Variants in DCC observed in about 807,000 individuals in gnomAD.
The protein encoded by DCC is DCC netrin 1 receptor.
Under a neutral mutation model 172.5 loss-of-function variants are expected in DCC, and 58 were observed. The observed-to-expected ratio is 0.34, with a 90% CI of 0.27 to 0.42. The LOEUF (loss-of-function observed/expected upper bound fraction) is 0.42, where lower values mean the gene tolerates loss of function less well. DCC is among the 10% of genes least tolerant of loss of function. The probability of loss-of-function intolerance (pLI) is 1.00; values close to 1 mark genes in which losing one functional copy is unlikely to be tolerated. For missense variants in DCC, 1,740 were observed against 1,791.0 expected (o/e 0.97, Z 0.51); for synonymous variants, 709 against 644.5 (o/e 1.10, Z -1.52).
intron 1 of DCC, among the ~76,000 whole-genome samples, chr18:52,645,543 T>G (rs1162314226): frequency 1.3e-5 from 2 of 152,180 alleles, no homozygotes; most frequent in African/African-American, 4.8e-5. Context: ...TAGAAAGTCT[T>G]GGAGTAAAAG....
At chr18:52,439,554 G>A (rs562308158) in intron 1 of DCC, among the ~76,000 whole-genome samples, 1 of 152,058 alleles carries the variant, frequency 6.6e-6, no homozygotes, top group African/African-American at 2.4e-5. Flanking sequence ...AAGTATGAAA[G>A]GATTGAGGTT....
intron 2 of DCC, among the ~76,000 whole-genome samples, chr18:52,823,634 CAA>C (rs1296497648): frequency 1.3e-5 from 2 of 151,850 alleles, no homozygotes; most frequent in Non-Finnish European, 2.9e-5. Context: ...TGGACAAGGA[CAA>C]AATAAAAATG....
chr18:53,150,449 T>C (rs539167250), intron 7 of DCC, among the ~76,000 whole-genome samples: 1 of 152,316 alleles, frequency 6.6e-6, no homozygotes, highest in South Asian at 2.1e-4. Context: ...ACTGTGATAA[T>C]GATGGAGGAT....
chr18:53,497,660 A>C (rs2046041011), intron 26 of DCC, among the ~76,000 whole-genome samples: 1 of 152,216 alleles, frequency 6.6e-6, no homozygotes, highest in Non-Finnish European at 1.5e-5. Context: ...ACAAGCACAC[A>C]AGTGTTTCTC....
chr18:52,772,269 A>G (rs568190422), intron 2 of DCC, among the ~76,000 whole-genome samples: 7 of 152,236 alleles, frequency 4.6e-5, no homozygotes, highest in Non-Finnish European at 1.5e-5. Flanking sequence ...CCATTGTACC[A>G]TGACTAAAAA....
intron 12 of DCC, among the ~76,000 whole-genome samples, chr18:53,229,899 T>C (rs1422387682): frequency 6.6e-6 from 1 of 152,156 alleles, no homozygotes; most frequent in African/African-American, 2.4e-5. Context: ...CTTACAAATT[T>C]GGTTATGAGA....
chr18:52,363,359 T>C (rs1984704843), intron 1 of DCC, among the ~76,000 whole-genome samples: 1 of 152,220 alleles, frequency 6.6e-6, no homozygotes, highest in Non-Finnish European at 1.5e-5. Context: ...GAAGTGCCAA[T>C]CAGGTTCATG....
rs143867031 is a variant in DCC, at chr18:53,205,195, C to T, written c.1574-21C>T. 1.8e-3 allele frequency: 2,924 copies of T among 1,604,536 alleles called. 4 individuals are homozygous for T. The highest frequency in any genetic ancestry group is 2.1e-3 in the Non-Finnish European group (2,459 of 1,171,678). On this transcript the variant is annotated intron_variant, in intron 9 of 28. Transcript: ENST00000442544. Reference sequence around the variant, plus strand: ...TTATCCTAATCACTTTTCTTTCTTTCTTTATTATTTTTTTATACAGTGCAA... The same window carrying T: ...TTATCCTAATCACTTTTCTTTCTTTTTTTATTATTTTTTTATACAGTGCAA...
chr18:52,649,184 TAACACGGTAA>T (rs920556767), intron 1 of DCC, among the ~76,000 whole-genome samples: 3 of 152,082 alleles, frequency 2.0e-5, no homozygotes, highest in Non-Finnish European at 4.4e-5. Flanking sequence ...CCATACTGGC[TAACACGGTAA>T]AACCCCGTCT....
At chr18:53,026,461 T>C (rs1226811330) in intron 5 of DCC, among the ~76,000 whole-genome samples, 3 of 152,200 alleles carry the variant, frequency 2.0e-5, no homozygotes, top group East Asian at 1.9e-4. Flanking sequence ...CTTTCCTTCA[T>C]TGAATTTTCT....
At chr18:53,313,109 A>G (rs1439797264) in intron 13 of DCC, among the ~76,000 whole-genome samples, 1 of 151,890 alleles carries the variant, frequency 6.6e-6, no homozygotes, top group African/African-American at 2.4e-5. Context: ...GGAAGGAAAG[A>G]AAGCAACATT....
intron 2 of DCC, among the ~76,000 whole-genome samples, chr18:52,903,176 C>G (rs932162233): frequency 2.0e-5 from 3 of 152,094 alleles, no homozygotes; most frequent in Non-Finnish European, 4.4e-5. Context: ...AAAAGACATT[C>G]GGATGTAAAA....
At chr18:52,348,100 C>T (rs1983957912) in intron 1 of DCC, among the ~76,000 whole-genome samples, 1 of 152,116 alleles carries the variant, frequency 6.6e-6, no homozygotes, top group African/African-American at 2.4e-5. Context: ...TATTCTCTGA[C>T]TTGCAATTTT....
intron 16 of DCC, among the ~76,000 whole-genome samples, chr18:53,387,681 C>T (rs1908256937): frequency 6.6e-6 from 1 of 152,192 alleles, no homozygotes; most frequent in African/African-American, 2.4e-5. Flanking sequence ...TGTGAGCAAA[C>T]AGGCCACTTT....
At chr18:53,417,383 TCTAGCTGCTC>T (rs1167399721) in intron 21 of DCC, among the ~76,000 whole-genome samples, 2 of 152,218 alleles carry the variant, frequency 1.3e-5, no homozygotes, top group Non-Finnish European at 2.9e-5. Flanking sequence ...TTTTCATTAA[TCTAGCTGCTC>T]CTACTTGCTT....
intron 7 of DCC, among the ~76,000 whole-genome samples, chr18:53,108,704 C>A (rs2043285906): frequency 6.6e-6 from 1 of 151,656 alleles, no homozygotes; most frequent in Admixed American, 6.6e-5. Context: ...TATTTTGTGT[C>A]TAGCCTTTTT....
Position 52,756,488 on chromosome 18 carries a change from A to G in DCC, c.412+4114A>G, listed in dbSNP as rs575226681. ...AGATCAAACTCACCCATATATGTGC[A>G]TACATAAACATACTCTTAACAAACT... On this transcript the variant is annotated intron_variant, in intron 2 of 28. Coordinates refer to ENST00000442544, the MANE Select transcript of DCC (RefSeq NM_005215.4). 4.6e-5 allele frequency among the ~76,000 whole-genome samples: 7 copies of G among 152,324 alleles called. No individual in the cohort carries two copies. In the South Asian group the frequency reaches 1.2e-3, roughly 27 times the overall value.
intron 2 of DCC, among the ~76,000 whole-genome samples, chr18:52,904,956 T>C (rs2039858946): frequency 6.6e-6 from 1 of 152,178 alleles, no homozygotes; most frequent in African/African-American, 2.4e-5. Context: ...TTTGTAATAA[T>C]TTAAAAAAAC....
chr18:52,915,584 T>A (rs1468948399), intron 3 of DCC, among the ~76,000 whole-genome samples: 1 of 152,188 alleles, frequency 6.6e-6, no homozygotes, highest in East Asian at 1.9e-4. Flanking sequence ...GTTGACTTTT[T>A]GTTTCTGAAT....
Sources: allele counts gnomAD v4.1 joint callset (sites outside exome capture counted in the v4.1 genomes callset), GRCh38; gene constraint gnomAD v4.1.1; transcripts MANE v1.5; gene names NCBI Gene and HGNC (gene_info 2026-07-23, HGNC 2026-07-21).